The following PDE6D variants were observed in gnomAD, a reference collection of about 807,000 sequenced individuals.
PDE6D encodes phosphodiesterase 6D, also known as retinal rod rhodopsin-sensitive cGMP 3',5'-cyclic phosphodiesterase subunit delta.
Under a neutral mutation model 21.9 loss-of-function variants are expected in PDE6D, and 10 were observed. The ratio of observed to expected loss-of-function variants is 0.46; its 90% CI spans 0.28 to 0.78. PDE6D has a LOEUF of 0.78. PDE6D is among the 30% of genes least tolerant of loss of function. The pLI, the probability that PDE6D is intolerant of heterozygous loss-of-function variation, is 0.12. For synonymous variants in PDE6D, 59 were observed against 63.5 expected (o/e 0.93, Z 0.34); for missense variants, 139 against 184.8 (o/e 0.75, Z 1.44).
At chr2:231,758,338 A>G (rs1338352293) in intron 1 of PDE6D, among the ~76,000 whole-genome samples, 1 of 151,610 alleles carries the variant, frequency 6.6e-6, no homozygotes. Flanking sequence ...AGGTCTCACT[A>G]TGTTGCCCAG....
At chr2:231,755,902 A>G (rs1446341235) in intron 1 of PDE6D, among the ~76,000 whole-genome samples, 1 of 151,708 alleles carries the variant, frequency 6.6e-6, no homozygotes, top group African/African-American at 2.4e-5. Context: ...CCTGGGTGAC[A>G]AGAGCAAAAC....
intron 1 of PDE6D, among the ~76,000 whole-genome samples, chr2:231,770,869 C>A (rs2049009865): frequency 6.6e-6 from 1 of 151,390 alleles, no homozygotes; most frequent in South Asian, 2.1e-4. Flanking sequence ...AGGAGAATTG[C>A]TTGAACCTGG....
chr2:231,781,181 A>G lies in PDE6D; in HGVS notation c.-67T>C. ...CGGAGCCTCGCAGACGGTGCCCAGG[A>G]GCCGAGGATGGAGCCGCAGCCCGGC... On this transcript the variant is annotated 5_prime_UTR_variant, in exon 1 of 5. Coordinates refer to ENST00000287600, the MANE Select transcript of PDE6D (RefSeq NM_002601.4). 2 of 1,516,328 alleles carry G rather than the reference A, an allele frequency of 1.3e-6. No individual in the cohort carries two copies. The highest frequency in any genetic ancestry group is 1.7e-5 in the Admixed American group (1 of 58,908). The allele number at this position is 1,516,328 out of a possible 1,614,324, so 93.9% of individuals were successfully genotyped here.
intron 4 of PDE6D, among the ~76,000 whole-genome samples, chr2:231,736,306 T>C (rs886690248): frequency 6.6e-6 from 1 of 151,208 alleles, no homozygotes; most frequent in Non-Finnish European, 1.5e-5. Flanking sequence ...TACACAATTA[T>C]CTGTGGGACT....
At chr2:231,741,234 A>G (rs2048747161) in intron 1 of PDE6D, among the ~76,000 whole-genome samples, 1 of 152,098 alleles carries the variant, frequency 6.6e-6, no homozygotes, top group Non-Finnish European at 1.5e-5. Context: ...ACAAGTCATT[A>G]TACAAAGGGT....
intron 1 of PDE6D, among the ~76,000 whole-genome samples, chr2:231,758,132 T>C (rs1170391987): frequency 6.6e-6 from 1 of 152,172 alleles, no homozygotes; most frequent in African/African-American, 2.4e-5. Flanking sequence ...TCTACCTACC[T>C]ACCTGTCTGT....
At chr2:231,781,037 C>T in intron 1 of PDE6D, 28 bp downstream of exon 1, 2 of 1,604,076 alleles carry the variant, frequency 1.2e-6, no homozygotes, top group East Asian at 2.2e-5. Flanking sequence ...CAAGTCCTCC[C>T]GGCCCCGCCC....
chr2:231,778,548 C>T (rs1158823003), intron 1 of PDE6D, among the ~76,000 whole-genome samples: 2 of 152,206 alleles, frequency 1.3e-5, no homozygotes, highest in Non-Finnish European at 2.9e-5. Flanking sequence ...GCATAATGCT[C>T]ACTGTGGATC....
At chr2:231,744,218 A>G (rs2048773479) in intron 1 of PDE6D, among the ~76,000 whole-genome samples, 1 of 152,236 alleles carries the variant, frequency 6.6e-6, no homozygotes, top group African/African-American at 2.4e-5. Context: ...AGGTCAGAAA[A>G]GCAAAGCCTG....
intron 1 of PDE6D, among the ~76,000 whole-genome samples, chr2:231,749,219 C>T (rs2048818360): frequency 6.6e-6 from 1 of 152,168 alleles, no homozygotes; most frequent in South Asian, 2.1e-4. Context: ...CGGAGCTGCC[C>T]AAGACCATGA....
chr2:231,762,130 A>G (rs2048935714), intron 1 of PDE6D, among the ~76,000 whole-genome samples: 1 of 152,112 alleles, frequency 6.6e-6, no homozygotes, highest in African/African-American at 2.4e-5. Context: ...ATTTGTACTG[A>G]TCCACATTGA....
At chr2:231,750,645 C>G (rs1359535059) in intron 1 of PDE6D, among the ~76,000 whole-genome samples, 1 of 148,602 alleles carries the variant, frequency 6.7e-6, no homozygotes, top group Non-Finnish European at 1.5e-5. Context: ...AGGTGTGTGC[C>G]ACCATGCTCA....
At chr2:231,746,821 A>G (rs1201100120) in intron 1 of PDE6D, among the ~76,000 whole-genome samples, 1 of 152,112 alleles carries the variant, frequency 6.6e-6, no homozygotes, top group Non-Finnish European at 1.5e-5. Context: ...CTGAGAAAAA[A>G]CACAGAAAGG....
At chr2:231,770,768 C>T (rs147543942) in intron 1 of PDE6D, among the ~76,000 whole-genome samples, 364 of 152,180 alleles carry the variant, frequency 2.4e-3, no homozygotes, top group African/African-American at 7.9e-3. Context: ...GTCTGGCCAA[C>T]GTGGTGAAAC....
At chr2:231,733,074 C>G in intron 4 of PDE6D, 41 bp from the exon 5 acceptor site, 1 of 1,290,190 alleles carries the variant, frequency 7.8e-7, no homozygotes, top group Non-Finnish European at 1.1e-6. Context: ...AGAGAGTGAG[C>G]ATGTTAGGCA....
intron 1 of PDE6D, among the ~76,000 whole-genome samples, chr2:231,744,141 G>A (rs1316424466): frequency 6.6e-6 from 1 of 152,158 alleles, no homozygotes. Context: ...AGTCCCGGAG[G>A]GTCCCTGCAC....
Position 231,739,637 on chromosome 2 carries a change from GTT to G in PDE6D, c.51-451_51-450del, listed in dbSNP as rs144122637. Among the ~76,000 whole-genome samples the G allele has an allele frequency of 6.9e-6, 1 of 145,780 alleles. No individual in the cohort carries two copies. The highest frequency in any genetic ancestry group is 6.8e-5 in the Admixed American group (1 of 14,602). On this transcript the variant is annotated intron_variant, in intron 1 of 4. Transcript: ENST00000287600. This position sits in a 1 kb window ranked among gnomAD's most constrained non-coding sequence, Gnocchi z 4.2. Reference sequence around the variant, plus strand: ...AAATTGCTTTGTAGTGGCCCCCTCTGTTTTTTTTTTTTGAAACAGAGTCTCAC... The same window carrying G: ...AAATTGCTTTGTAGTGGCCCCCTCTGTTTTTTTTTTGAAACAGAGTCTCAC...
At chr2:231,757,148 CA>C (rs2048889130) in intron 1 of PDE6D, among the ~76,000 whole-genome samples, 1 of 151,772 alleles carries the variant, frequency 6.6e-6, no homozygotes, top group African/African-American at 2.4e-5. Flanking sequence ...TTAGTAGAGA[CA>C]GGGTTTTGCC....
rs757991699 is a variant in PDE6D, at chr2:231,738,183, C to A, written c.140-45G>T. On this transcript the variant is annotated intron_variant, in intron 2 of 4. Coordinates refer to ENST00000287600, the MANE Select transcript of PDE6D (RefSeq NM_002601.4). ...TGTTGAAGCCTTTCTAAATGAAAAC[C>A]ACAGGACTATGATGCTTCAAATTTC... 3.8e-6 allele frequency: 6 copies of A among 1,580,126 alleles called. No homozygotes were observed. In the African/African-American group the frequency reaches 4.1e-5, roughly 11 times the overall value.
Sources: allele counts gnomAD v4.1 joint callset (sites outside exome capture counted in the v4.1 genomes callset), GRCh38; gene constraint gnomAD v4.1.1; non-coding constraint Gnocchi (gnomAD v3.1); transcripts MANE v1.5; gene names NCBI Gene and HGNC (gene_info 2026-07-23, HGNC 2026-07-21).